Variants in PHKB observed in about 807,000 individuals in gnomAD.
PHKB encodes phosphorylase kinase regulatory subunit beta.
In PHKB, 122 loss-of-function variants were observed where a neutral mutation model predicts 152.1. That is an observed-to-expected ratio of 0.80 (90% CI 0.69 to 0.93). The LOEUF (loss-of-function observed/expected upper bound fraction) is 0.93, where lower values mean the gene tolerates loss of function less well. Among genes scored for constraint, PHKB ranks in the 40% least tolerant of loss-of-function variants. PHKB has a pLI of 0.00. For missense variants in PHKB, 1,304 were observed against 1,328.4 expected, an observed-to-expected ratio of 0.98 and a Z score of 0.29; for synonymous variants, 436 against 464.9, an observed-to-expected ratio of 0.94 and a Z score of 0.80.
chr16:47,641,095 G>A lies in PHKB; in HGVS notation c.1514+5G>A. 6.2e-7 allele frequency: 1 copy of A among 1,612,208 alleles called. No homozygotes were observed. The highest frequency in any genetic ancestry group is 8.5e-7 in the Non-Finnish European group (1 of 1,178,270). On this transcript the variant is annotated splice_donor_5th_base_variant and intron_variant, in intron 15 of 30. Transcript: ENST00000323584. ...ACTTATAGCAGAAAGCCAAAGGTAT[G>A]AAATCCAAGTGGGTGGTGTGTTTTT...
intron 20 of PHKB, among the ~76,000 whole-genome samples, chr16:47,656,262 C>T (rs982438119): frequency 3.3e-5 from 5 of 152,188 alleles, no homozygotes; most frequent in Non-Finnish European, 7.3e-5. Context: ...CATGATCCAC[C>T]CGCCTCAGCC....
At chr16:47,608,151 T>G (rs1364678698) in intron 13 of PHKB, among the ~76,000 whole-genome samples, 2 of 152,230 alleles carry the variant, frequency 1.3e-5, no homozygotes, top group African/African-American at 4.8e-5. Context: ...TTTCACTTTC[T>G]TGATGGATCT....
chr16:47,665,726 G>T, intron 25 of PHKB: 1 of 611,448 alleles, frequency 1.6e-6, no homozygotes, highest in Non-Finnish European at 2.9e-6. Context: ...CAGCTTGGTG[G>T]CAGGGATGAG....
chr16:47,679,198 T>A (rs1973798358), intron 26 of PHKB, among the ~76,000 whole-genome samples: 1 of 152,160 alleles, frequency 6.6e-6, no homozygotes, highest in African/African-American at 2.4e-5. Flanking sequence ...TTGAAGCAGG[T>A]AGTGTGATGC....
intron 23 of PHKB, among the ~76,000 whole-genome samples, chr16:47,662,964 A>G (rs1274607008): frequency 6.6e-6 from 1 of 152,170 alleles, no homozygotes; most frequent in African/African-American, 2.4e-5. Flanking sequence ...AACCATTTTT[A>G]TAAATTTGAG....
At chr16:47,592,206 G>A (rs531785023) in intron 10 of PHKB, among the ~76,000 whole-genome samples, 1 of 152,182 alleles carries the variant, frequency 6.6e-6, no homozygotes. Flanking sequence ...CCTGTTTTTT[G>A]CCCTACAACT....
intron 6 of PHKB, among the ~76,000 whole-genome samples, chr16:47,524,635 G>A (rs999450823): frequency 4.6e-5 from 7 of 152,126 alleles, no homozygotes; most frequent in Non-Finnish European, 8.8e-5. Flanking sequence ...TGGGAGTGGT[G>A]GTGCGTGCCT....
chr16:47,528,552 A>AT lies in PHKB; in HGVS notation c.594+12962dup, dbSNP rs980356577. On this transcript the variant is annotated intron_variant, in intron 6 of 30. Transcript: ENST00000323584. Reference sequence around the variant, plus strand: ...TAAATCAAATTTTAAACCAGGCTCAATTTTTTTTTTTCGTGTATTCTTTTG... The same window carrying AT: ...TAAATCAAATTTTAAACCAGGCTCAATTTTTTTTTTTTCGTGTATTCTTTTG... Among the ~76,000 whole-genome samples the AT allele has an allele frequency of 2.7e-3, 403 of 148,690 alleles. 2 individuals carry two copies. Among genetic ancestry groups the AT allele is most frequent in the African/African-American group, 8.1e-3 (332 of 40,744 alleles).
chr16:47,572,903 A>C (rs1480026818), intron 7 of PHKB, among the ~76,000 whole-genome samples: 1 of 152,320 alleles, frequency 6.6e-6, no homozygotes, highest in Non-Finnish European at 1.5e-5. Context: ...GGGCTGTGTC[A>C]GTTGACCTCC....
At chr16:47,626,812 G>A (rs1164046140) in intron 14 of PHKB, among the ~76,000 whole-genome samples, 1 of 152,144 alleles carries the variant, frequency 6.6e-6, no homozygotes, top group East Asian at 1.9e-4. Context: ...AAATAGTTGT[G>A]CTGCTCTGGC....
intron 8 of PHKB, among the ~76,000 whole-genome samples, chr16:47,584,985 T>G (rs188243051): frequency 1.4e-4 from 21 of 152,306 alleles, no homozygotes; most frequent in Admixed American, 1.4e-3. Flanking sequence ...GTCTCAAAAG[T>G]GGTTGTTCTG....
chr16:47,631,878 T>A (rs997677340), intron 14 of PHKB, among the ~76,000 whole-genome samples: 3 of 152,170 alleles, frequency 2.0e-5, no homozygotes, highest in Non-Finnish European at 4.4e-5. Context: ...CAGTCCATCA[T>A]TGATGGGCAT....
chr16:47,536,341 G>A (rs1423443043), intron 6 of PHKB, among the ~76,000 whole-genome samples: 2 of 152,098 alleles, frequency 1.3e-5, no homozygotes, highest in Non-Finnish European at 2.9e-5. Flanking sequence ...GTGAGCCACC[G>A]CACCCGGCCG....
At chr16:47,547,368 C>T (rs1971190490) in intron 6 of PHKB, 65 bp from the exon 7 acceptor site, 3 of 973,982 alleles carry the variant, frequency 3.1e-6, no homozygotes, top group African/African-American at 1.6e-5. Flanking sequence ...CAGGCATGAG[C>T]CACCACACCC....
At chr16:47,520,332 A>C (rs1029756473) in intron 6 of PHKB, among the ~76,000 whole-genome samples, 3 of 152,228 alleles carry the variant, frequency 2.0e-5, no homozygotes, top group African/African-American at 7.2e-5. Flanking sequence ...TGCTTTGCAT[A>C]TAGAAAAACT....
chr16:47,495,647 A>G (rs1039431941), intron 1 of PHKB, among the ~76,000 whole-genome samples: 6 of 152,172 alleles, frequency 3.9e-5, no homozygotes, highest in Non-Finnish European at 5.9e-5. Flanking sequence ...ATAGACTCCT[A>G]GAGCTTATTA....
chr16:47,558,711 G>C (rs373232035), intron 7 of PHKB, among the ~76,000 whole-genome samples: 77 of 152,290 alleles, frequency 5.1e-4, no homozygotes, highest in African/African-American at 1.7e-3. Flanking sequence ...ACCAAGCCTG[G>C]AGAATATTTG....
intron 7 of PHKB, among the ~76,000 whole-genome samples, chr16:47,570,367 A>G (rs1971637777): frequency 6.6e-6 from 1 of 152,216 alleles, no homozygotes; most frequent in Admixed American, 6.5e-5. Context: ...TATTCCTTGA[A>G]GTAGGTTTTC....
chr16:47,621,948 T>C (rs535391863), intron 14 of PHKB, among the ~76,000 whole-genome samples: 1 of 152,316 alleles, frequency 6.6e-6, no homozygotes, highest in East Asian at 1.9e-4. Context: ...TAAACACATT[T>C]AATAACATCA....
Sources: gnomAD v4.1 joint callset for allele counts (sites outside exome capture counted in the v4.1 genomes callset) on GRCh38, gnomAD v4.1.1 for gene constraint, MANE v1.5 for transcripts, NCBI Gene and HGNC (gene_info 2026-07-23, HGNC 2026-07-21) for gene names.